The following SF1 variants were observed in gnomAD, a reference collection of about 807,000 sequenced individuals.
SF1 encodes branch point-binding protein.
In SF1, 7 loss-of-function variants were observed where a neutral mutation model predicts 62.5. The ratio of observed to expected loss-of-function variants is 0.11; its 90% CI spans 0.06 to 0.21. The LOEUF (loss-of-function observed/expected upper bound fraction) is 0.21. Ranked by LOEUF, SF1 falls within the 10% of genes least tolerant of loss-of-function variation. The pLI, the probability that SF1 is intolerant of heterozygous loss-of-function variation, is 1.00. For missense variants in SF1, 578 were observed against 884.0 expected (o/e 0.65, Z 4.39); for synonymous variants, 394 against 323.6 (o/e 1.22, Z -2.33).
At chr11:64,768,980 A>G in intron 8 of SF1, 42 bp downstream of exon 8, 2 of 1,338,104 alleles carry the variant, frequency 1.5e-6, no homozygotes, top group Admixed American at 1.7e-5. Flanking sequence ...GTTGTCCTGC[A>G]CATCGCAGGC....
At position 64,770,029 on chromosome 11, in the gene SF1, A is replaced by C. The variant is rs748296311; in HGVS notation, c.414T>G (p.Asp138Glu). The change falls in exon 5 of 13, where the codon GAT becomes GAG. Residue 138 changes from aspartate (D) to glutamate (E), a missense_variant. Asp to Glu is a conservative substitution (Grantham distance 45). Coordinates refer to ENST00000377390, the MANE Select transcript of SF1 (RefSeq NM_004630.4). The part of the protein sequence containing the change: ...DYKPPATRVS[D>E]KVMIPQDEYP... ...ACTCATCTTGTGGAATCATGACTTT[A>C]TCACTCACACGTGTTGCTGGAGGTC... 2 of 1,613,972 alleles carry C rather than the reference A, an allele frequency of 1.2e-6. No homozygotes were observed. The highest frequency in any genetic ancestry group is 1.7e-6 in the Non-Finnish European group (2 of 1,179,948).
Position 64,765,345 on chromosome 11 carries a change from A to G in SF1, c.*473T>C, listed in dbSNP as rs1313049258. 1.3e-6 allele frequency: 1 copy of G among 746,290 alleles called. No homozygotes were observed. The highest frequency in any genetic ancestry group is 2.4e-5 in the Admixed American group (1 of 42,430). 46.2% of individuals were successfully genotyped at this position (746,290 alleles called of 1,614,324 possible). A position where few individuals can be genotyped will look rare whatever the true frequency, so the allele number is the denominator to read the frequency against. On this transcript the variant is annotated 3_prime_UTR_variant, in exon 13 of 13. Transcript: ENST00000377390. ...AAAGAAAAAAATTAATAAAAATTTCACGATATGGAGCCAGCGTGTTCCGAT... is the reference window on the plus strand; with the variant it reads ...AAAGAAAAAAATTAATAAAAATTTCGCGATATGGAGCCAGCGTGTTCCGAT...
intron 2 of SF1, among the ~76,000 whole-genome samples, chr11:64,775,725 A>C (rs1169944192): frequency 6.6e-6 from 1 of 152,218 alleles, no homozygotes; most frequent in Admixed American, 6.5e-5. Flanking sequence ...TATAAAGATA[A>C]AACTTGCATT....
intron 3 of SF1, chr11:64,772,024 G>A (rs991192124): frequency 1.4e-5 from 14 of 985,242 alleles, no homozygotes; most frequent in Non-Finnish European, 1.7e-5. Flanking sequence ...ACAAAAACAA[G>A]TCTTACCAGC....
chr11:64,769,977 G>C lies in SF1; in HGVS notation c.466C>G (p.Leu156Val). Reference sequence around the variant, plus strand: ...GCAGTTACTCACCTGGGCCCGATGAGCAGCCCCACAAAGTTGATTTCTGGG... The same window carrying C: ...GCAGTTACTCACCTGGGCCCGATGACCAGCCCCACAAAGTTGATTTCTGGG... ...EYPEINFVGL[L>V]IGPRGNTLKN... The change falls in exon 5 of 13, where the codon CTC (leucine) becomes GTC (valine). Residue 156 changes from leucine to valine, a missense_variant. Leu to Val is a conservative substitution (Grantham distance 32). Coordinates refer to ENST00000377390, the MANE Select transcript of SF1 (RefSeq NM_004630.4). 1.2e-6 allele frequency: 2 copies of C among 1,612,274 alleles called. No individual in the cohort carries two copies. Among genetic ancestry groups the C allele is most frequent in the Non-Finnish European group, 1.7e-6 (2 of 1,178,312 alleles).
intron 4 of SF1, 37 bp downstream of exon 4, chr11:64,770,219 G>GT: frequency 6.2e-7 from 1 of 1,605,338 alleles, no homozygotes; most frequent in East Asian, 2.2e-5. Flanking sequence ...TGATCTGCAT[G>GT]TGTCTTCATC....
intron 2 of SF1, among the ~76,000 whole-genome samples, chr11:64,775,664 TTAG>T (rs1939098296): frequency 6.6e-6 from 1 of 152,202 alleles, no homozygotes; most frequent in South Asian, 2.1e-4. Flanking sequence ...GTTTATTTGG[TTAG>T]TAGGAAATGT....
intron 4 of SF1, 29 bp from the exon 5 acceptor site, chr11:64,770,082 C>T (rs1033090911): frequency 1.4e-5 from 23 of 1,596,822 alleles, no homozygotes; most frequent in Non-Finnish European, 1.9e-5. Flanking sequence ...TGTCACCGCA[C>T]ATTTCTGGAG....
At position 64,765,933 on chromosome 11, in the gene SF1, G is replaced by C. The variant is rs2058623412; in HGVS notation, c.1805C>G (p.Pro602Arg). The C allele has an allele frequency of 6.4e-7, 1 of 1,570,418 alleles. No individual in the cohort carries two copies. Among genetic ancestry groups the C allele is most frequent in the Non-Finnish European group, 8.6e-7 (1 of 1,158,502 alleles). Residue 602 changes from proline to arginine, a missense_variant, in exon 13 of 13, where the codon CCT (proline) becomes CGT (arginine). This residue lies in a region of SF1 where 410 missense variants were observed against 452.4 expected (regional missense o/e 0.91). Coordinates refer to ENST00000377390, the MANE Select transcript of SF1 (RefSeq NM_004630.4). ...AGAAGGGTCCATGGGAGGCGGAGGA[G>C]GAGGGGGCGGGGCATACATCATGCC... ...SAGMMYAPPPPPPPPMDPSNF... is the reference protein window; with the variant it reads ...SAGMMYAPPPRPPPPMDPSNF...
intron 2 of SF1, among the ~76,000 whole-genome samples, chr11:64,773,926 T>C (rs548932041): frequency 6.6e-6 from 1 of 152,330 alleles, no homozygotes; most frequent in African/African-American, 2.4e-5. Context: ...AGTTTTTTCT[T>C]CATTAAATGT....
At chr11:64,772,944 T>C (rs1313048137) in intron 3 of SF1, 30 of 987,094 alleles carry the variant, frequency 3.0e-5, no homozygotes, top group Non-Finnish European at 2.8e-5. Context: ...AAATCTCATC[T>C]GATTTTGAAA....
Position 64,778,396 on chromosome 11 carries a change from G to A in SF1, c.-4C>T. 2 of 1,228,176 alleles carry A rather than the reference G, an allele frequency of 1.6e-6. No individual in the cohort carries two copies. Among genetic ancestry groups the A allele is most frequent in the Admixed American group, 4.2e-5 (1 of 23,854 alleles). The allele number at this position is 1,228,176 out of a possible 1,614,324, so 76.1% of individuals were successfully genotyped here. On this transcript the variant is annotated 5_prime_UTR_variant, in exon 1 of 13. Transcript: ENST00000377390. ...TGGCGTTCGCTCCGGTCGCCATGGC[G>A]CCCCCGGGGACAGGCACCGGCACCT... is the stretch of plus-strand genomic sequence containing the variant.
chr11:64,774,630 C>T (rs1938858768), intron 2 of SF1, among the ~76,000 whole-genome samples: 1 of 152,134 alleles, frequency 6.6e-6, no homozygotes, highest in South Asian at 2.1e-4. Flanking sequence ...CACCCACACA[C>T]TAAAACCCTG....
intron 12 of SF1, chr11:64,766,484 A>G: frequency 2.1e-6 from 1 of 466,154 alleles, no homozygotes; most frequent in Non-Finnish European, 3.8e-6. Flanking sequence ...TTCAACCTCA[A>G]GGCCACAGCT....
chr11:64,776,725 T>C (rs1939312271), intron 1 of SF1, 99 bp from the exon 2 acceptor site: 1 of 1,157,558 alleles, frequency 8.6e-7, no homozygotes, highest in Non-Finnish European at 1.2e-6. Flanking sequence ...CAGCAGACTG[T>C]GAAGCTGAGA....
intron 2 of SF1, among the ~76,000 whole-genome samples, chr11:64,774,080 TACTC>T (rs1319225552): frequency 3.9e-5 from 6 of 152,210 alleles, no homozygotes; most frequent in Admixed American, 6.5e-5. Flanking sequence ...AATTTGTACA[TACTC>T]TTTCTGTACA....
chr11:64,777,776 T>TTCCCCC, intron 1 of SF1: 6 of 960,642 alleles, frequency 6.2e-6, no homozygotes, highest in Non-Finnish European at 7.4e-6. Context: ...ACAGAGCGCC[T>TTCCCCC]CCCGCCCGCC....
chr11:64,767,858 T>C lies in SF1; in HGVS notation c.1069-14A>G. On this transcript the variant is annotated splice_polypyrimidine_tract_variant and intron_variant, in intron 9 of 12. Coordinates refer to ENST00000377390, the MANE Select transcript of SF1 (RefSeq NM_004630.4). Reference sequence around the variant, plus strand: ...AGACATGAGAGACTACGTGAGAGCATTTCCTGCCAACGTCCCTGCCTGCGC... The same window carrying C: ...AGACATGAGAGACTACGTGAGAGCACTTCCTGCCAACGTCCCTGCCTGCGC... 2 of 1,604,582 alleles carry C rather than the reference T, an allele frequency of 1.2e-6. No homozygotes were observed. Among genetic ancestry groups the C allele is most frequent in the South Asian group, 1.1e-5 (1 of 89,800 alleles).
chr11:64,768,616 T>C (rs1937749831), intron 8 of SF1, among the ~76,000 whole-genome samples: 1 of 152,234 alleles, frequency 6.6e-6, no homozygotes, highest in African/African-American at 2.4e-5. Flanking sequence ...TATGCAAGAC[T>C]GGCACAACTG....
Sources: allele counts gnomAD v4.1 joint callset (sites outside exome capture counted in the v4.1 genomes callset), GRCh38; gene constraint gnomAD v4.1.1; regional missense constraint gnomAD v4.1.1; transcripts MANE v1.5; gene names NCBI Gene and HGNC (gene_info 2026-07-23, HGNC 2026-07-21).